Variants in RBFOX1 observed in about 807,000 individuals in gnomAD.
RBFOX1 encodes RNA binding protein fox-1 homolog 1.
Under a neutral mutation model 57.7 loss-of-function variants are expected in RBFOX1, and 8 were observed. That is an observed-to-expected ratio of 0.14 (90% CI 0.08 to 0.25). The LOEUF is 0.25. Ranked by LOEUF, RBFOX1 falls within the 10% of genes least tolerant of loss-of-function variation. RBFOX1 has a pLI of 1.00. For missense variants in RBFOX1, 611 were observed against 548.5 expected, an observed-to-expected ratio of 1.11 and a Z score of -1.14; for synonymous variants, 326 against 222.4, an observed-to-expected ratio of 1.47 and a Z score of -4.15.
chr16:5,301,262 C>G (rs1455399735), intron 1 of RBFOX1, among the ~76,000 whole-genome samples: 5 of 152,148 alleles, frequency 3.3e-5, no homozygotes. Context: ...AGCCTGCAGC[C>G]AGCAGCCACT....
intron 1 of RBFOX1, among the ~76,000 whole-genome samples, chr16:5,464,166 C>A (rs544203528): frequency 6.6e-6 from 1 of 152,102 alleles, no homozygotes; most frequent in East Asian, 1.9e-4. Flanking sequence ...TGGGCTTGGG[C>A]TGTGTGGAGT....
chr16:7,142,320 AG>A (rs2073996525), intron 4 of RBFOX1, among the ~76,000 whole-genome samples: 1 of 152,128 alleles, frequency 6.6e-6, no homozygotes. Context: ...CACCACACCT[AG>A]CCAAGTCCCA....
intron 1 of RBFOX1, among the ~76,000 whole-genome samples, chr16:6,032,613 T>TA (rs1308737818): frequency 2.0e-5 from 3 of 152,136 alleles, no homozygotes; most frequent in Non-Finnish European, 4.4e-5. Context: ...ATGCTTGTCT[T>TA]AAAAAAAGTT....
intron 5 of RBFOX1, among the ~76,000 whole-genome samples, chr16:7,543,879 C>T (rs1410514905): frequency 1.0e-5 from 1 of 98,166 alleles, no homozygotes; most frequent in African/African-American, 3.7e-5. Flanking sequence ...CACCACCACG[C>T]CCAGCTAATT....
chr16:7,249,579 C>G (rs2094435060), intron 4 of RBFOX1, among the ~76,000 whole-genome samples: 1 of 147,890 alleles, frequency 6.8e-6, no homozygotes, highest in South Asian at 2.2e-4. Context: ...TGAAAATTTC[C>G]TTCTTCATAG....
chr16:6,221,886 A>T (rs905363833), intron 1 of RBFOX1, among the ~76,000 whole-genome samples: 2 of 152,192 alleles, frequency 1.3e-5, no homozygotes, highest in African/African-American at 4.8e-5. Flanking sequence ...GACCCAAGGG[A>T]ATTATTCAAG....
At chr16:7,490,442 T>C (rs913547658) in intron 4 of RBFOX1, among the ~76,000 whole-genome samples, 4 of 152,226 alleles carry the variant, frequency 2.6e-5, no homozygotes, top group Admixed American at 6.5e-5. Context: ...TTTCACTGTT[T>C]ATAGTTCAAA....
chr16:6,600,965 C>G (rs908717847), intron 2 of RBFOX1, among the ~76,000 whole-genome samples: 2 of 152,100 alleles, frequency 1.3e-5, no homozygotes, highest in African/African-American at 2.4e-5. Flanking sequence ...AAAATATAGC[C>G]TCTTAAATGT....
chr16:6,254,553 G>A (rs1000886676), intron 1 of RBFOX1, among the ~76,000 whole-genome samples: 1 of 152,122 alleles, frequency 6.6e-6, no homozygotes, highest in Non-Finnish European at 1.5e-5. Context: ...AGGTGACTAT[G>A]TATTCTTAAA....
intron 3 of RBFOX1, among the ~76,000 whole-genome samples, chr16:6,697,018 A>G (rs1407886014): frequency 6.6e-6 from 1 of 152,226 alleles, no homozygotes; most frequent in Admixed American, 6.5e-5. Context: ...TTCCATAAAG[A>G]AAAGCTTAGA....
chr16:5,457,551 A>G (rs1334039337), intron 1 of RBFOX1, among the ~76,000 whole-genome samples: 3 of 152,210 alleles, frequency 2.0e-5, no homozygotes, highest in African/African-American at 2.4e-5. Flanking sequence ...TTAGGGCTCC[A>G]TCTGAGGAAT....
At chr16:5,669,265 C>G (rs987880249) in intron 3 of RBFOX1, among the ~76,000 whole-genome samples, 12 of 152,030 alleles carry the variant, frequency 7.9e-5, no homozygotes, top group Non-Finnish European at 1.8e-4. Flanking sequence ...GGAGTGGCCA[C>G]CCTCAGCTCC....
chr16:5,657,288 T>C (rs1253171092), intron 3 of RBFOX1, among the ~76,000 whole-genome samples: 1 of 152,226 alleles, frequency 6.6e-6, no homozygotes, highest in Non-Finnish European at 1.5e-5. Context: ...ACAGCCCTAA[T>C]AATAGTTAAT....
intron 7 of RBFOX1, among the ~76,000 whole-genome samples, chr16:7,588,316 G>A (rs2094239845): frequency 6.6e-6 from 1 of 152,244 alleles, no homozygotes; most frequent in Admixed American, 6.5e-5. Flanking sequence ...GAACTGATTA[G>A]AAATGCAAGT....
intron 4 of RBFOX1, among the ~76,000 whole-genome samples, chr16:7,366,136 C>T (rs1486480008): frequency 2.6e-5 from 4 of 152,136 alleles, no homozygotes; most frequent in African/African-American, 9.7e-5. Flanking sequence ...TGGCAGCTGA[C>T]CCTCTAAACA....
intron 10 of RBFOX1, among the ~76,000 whole-genome samples, chr16:7,624,516 A>C (rs2059785393): frequency 6.6e-6 from 1 of 152,216 alleles, no homozygotes; most frequent in Non-Finnish European, 1.5e-5. Flanking sequence ...AAGCACATGG[A>C]GTTCAACAGA....
At chr16:7,254,129 C>T (rs1448213351) in intron 4 of RBFOX1, among the ~76,000 whole-genome samples, 1 of 152,092 alleles carries the variant, frequency 6.6e-6, no homozygotes, top group Non-Finnish European at 1.5e-5. Flanking sequence ...CACATCAACC[C>T]TGTGACCCCC....
intron 1 of RBFOX1, among the ~76,000 whole-genome samples, chr16:6,104,357 T>G (rs1738426480): frequency 6.6e-6 from 1 of 152,192 alleles, no homozygotes; most frequent in Admixed American, 6.5e-5. Context: ...AATAAATACC[T>G]TCTTCCAAGA....
chr16:6,548,828 C>T (rs916473235), intron 2 of RBFOX1, among the ~76,000 whole-genome samples: 2 of 151,958 alleles, frequency 1.3e-5, no homozygotes, highest in Non-Finnish European at 2.9e-5. Flanking sequence ...GTAATCCTAG[C>T]ACTTTGGGAG....
Sources: gnomAD v4.1 joint callset for allele counts (sites outside exome capture counted in the v4.1 genomes callset) on GRCh38, gnomAD v4.1.1 for gene constraint, MANE v1.5 for transcripts, NCBI Gene and HGNC (gene_info 2026-07-23, HGNC 2026-07-21) for gene names.